Variants in ZNF541 observed in about 807,000 individuals in gnomAD.
ZNF541 encodes the protein zinc finger protein 541.
Under a neutral mutation model 123.5 loss-of-function variants are expected in ZNF541, and 23 were observed. The ratio of observed to expected loss-of-function variants is 0.19; its 90% CI spans 0.13 to 0.26. The LOEUF (loss-of-function observed/expected upper bound fraction) is 0.26, where lower values mean the gene tolerates loss of function less well. ZNF541 is among the 10% of genes least tolerant of loss of function. The pLI, the probability that ZNF541 is intolerant of heterozygous loss-of-function variation, is 1.00. For synonymous variants in ZNF541, 751 were observed against 754.5 expected (o/e 1.00, Z 0.08); for missense variants, 1,612 against 1,789.9 (o/e 0.90, Z 1.79).
At chr19:47,528,247 G>A (rs368904302) in intron 14 of ZNF541, among the ~76,000 whole-genome samples, 21 of 145,158 alleles carry the variant, frequency 1.4e-4, no homozygotes, top group Middle Eastern at 3.6e-3. Context: ...CCCGGGAGGC[G>A]GAGGTTGCGG....
In ZNF541 at chr19:47,521,000, G is replaced by C; in HGVS notation, c.*224C>G. ...GAAGGGGAGAGACTATGAACCTAAG[G>C]AGAGTGGAGCCTCCAGCACCACCGG... On this transcript the variant is annotated 3_prime_UTR_variant, in exon 17 of 17. Transcript: ENST00000391901. 1.8e-6 allele frequency: 1 copy of C among 568,070 alleles called. No individual in the cohort carries two copies. Among genetic ancestry groups the C allele is most frequent in the Non-Finnish European group, 3.1e-6 (1 of 321,698 alleles). The allele number at this position is 568,070 out of a possible 1,614,324, so 35.2% of individuals were successfully genotyped here. A position where few individuals can be genotyped will look rare whatever the true frequency, so the allele number is the denominator to read the frequency against.
intron 5 of ZNF541, among the ~76,000 whole-genome samples, chr19:47,543,611 T>A (rs1970175505): frequency 6.6e-6 from 1 of 151,428 alleles, no homozygotes; most frequent in Non-Finnish European, 1.5e-5. Context: ...ATAACAGTGT[T>A]TTGAACAACT....
Position 47,545,782 on chromosome 19 carries a change from C to A in ZNF541, c.747G>T (p.Pro249=). Reference sequence around the variant, plus strand: ...CCAGGGACCGCAGGCTGCTGGGGGGCGGCTGGCCGGCCGACTCGTGGGCGT... The same window carrying A: ...CCAGGGACCGCAGGCTGCTGGGGGGAGGCTGGCCGGCCGACTCGTGGGCGT... ...SPHAHESAGQ[P]PPSSLRSLVP... The change falls in exon 5 of 17, where the codon CCG becomes CCT. Residue 249 remains proline (P), a synonymous_variant. Coordinates refer to ENST00000391901, the MANE Select transcript of ZNF541 (RefSeq NM_001277075.3). This position sits in a 1 kb window ranked among gnomAD's most constrained non-coding sequence, Gnocchi z 7.5. 2 of 1,539,396 alleles carry A rather than the reference C, an allele frequency of 1.3e-6. No homozygotes were observed. Among genetic ancestry groups the A allele is most frequent in the South Asian group, 1.2e-5 (1 of 83,732 alleles).
At chr19:47,540,977 A>G (rs1167024517) in intron 5 of ZNF541, 26 bp from the exon 6 acceptor site, 3 of 1,548,386 alleles carry the variant, frequency 1.9e-6, no homozygotes, top group Non-Finnish European at 2.6e-6. Flanking sequence ...CATCTGAACC[A>G]ACACATCCAA....
At chr19:47,528,479 G>A (rs1488411389) in intron 14 of ZNF541, among the ~76,000 whole-genome samples, 1 of 151,598 alleles carries the variant, frequency 6.6e-6, no homozygotes, top group Non-Finnish European at 1.5e-5. Flanking sequence ...ACCATGCCCG[G>A]CTAATTTTTG....
At chr19:47,529,528 A>G in intron 13 of ZNF541, 49 bp downstream of exon 13, 5 of 1,539,508 alleles carry the variant, frequency 3.2e-6, no homozygotes, top group Non-Finnish European at 4.4e-6. Context: ...TGGCCGATTC[A>G]TAGGGGTCTC....
In ZNF541 at chr19:47,544,420, T is replaced by A; in HGVS notation, c.2109A>T (p.Leu703Phe). 1.3e-6 allele frequency: 2 copies of A among 1,551,562 alleles called. No homozygotes were observed. Among genetic ancestry groups the A allele is most frequent in the Non-Finnish European group, 1.7e-6 (2 of 1,146,994 alleles). ...AGGCTCCTGGTGGCTCCTCCCCACCTAACTGGGTCTGCCGTTGGCCTGTGG... is the reference window on the plus strand; with the variant it reads ...AGGCTCCTGGTGGCTCCTCCCCACCAAACTGGGTCTGCCGTTGGCCTGTGG... ...FPSTGQRQTQLGGEEPPGASL... is the reference protein window; with the variant it reads ...FPSTGQRQTQFGGEEPPGASL... Residue 703 changes from leucine (L) to phenylalanine (F), a missense_variant, in exon 5 of 17, where the codon TTA becomes TTT. Physicochemically the swap from Leu to Phe is conservative, Grantham distance 22. Coordinates refer to ENST00000391901, the MANE Select transcript of ZNF541 (RefSeq NM_001277075.3).
chr19:47,558,425 A>G (rs927811510), intron 2 of ZNF541, among the ~76,000 whole-genome samples: 2 of 151,906 alleles, frequency 1.3e-5, no homozygotes, highest in South Asian at 2.1e-4. Context: ...CAAAAAATAA[A>G]TAAATAAATA....
At position 47,545,312 on chromosome 19, in the gene ZNF541, G is replaced by C. The variant is rs766263101; in HGVS notation, c.1217C>G (p.Ser406Cys). ...LFRGQTVPAS[S>C]QPSSHSFQWL... Reference sequence around the variant, plus strand: ...CTGGAAGCTGTGGCTCGATGGCTGGGAACTGGCAGGGACCGTCTGGCCTCG... The same window carrying C: ...CTGGAAGCTGTGGCTCGATGGCTGGCAACTGGCAGGGACCGTCTGGCCTCG... The change falls in exon 5 of 17, where the codon TCC (serine) becomes TGC (cysteine). Residue 406 changes from serine (S) to cysteine (C), a missense_variant. Around this residue, in one of 5 missense-constraint regions of ZNF541, gnomAD observed 1,080 missense variants for 1,013.8 expected, o/e 1.07. Coordinates refer to ENST00000391901, the MANE Select transcript of ZNF541 (RefSeq NM_001277075.3). The surrounding 1 kb of genome is among the most constrained non-coding windows in gnomAD (Gnocchi z 7.5). 2 of 1,549,458 alleles carry C rather than the reference G, an allele frequency of 1.3e-6. No homozygotes were observed. Among genetic ancestry groups the C allele is most frequent in the East Asian group, 2.4e-5 (1 of 40,914 alleles).
intron 2 of ZNF541, among the ~76,000 whole-genome samples, chr19:47,559,364 T>C (rs1970968238): frequency 6.7e-6 from 1 of 149,066 alleles, no homozygotes; most frequent in South Asian, 2.1e-4. Flanking sequence ...AGAGTGAAAC[T>C]CTATCTCAAA....
At chr19:47,557,994 G>C (rs113914206) in intron 2 of ZNF541, among the ~76,000 whole-genome samples, 20 of 152,072 alleles carry the variant, frequency 1.3e-4, no homozygotes, top group African/African-American at 4.8e-4. Context: ...ATGGGCAGGG[G>C]GAGTGGGGCA....
intron 2 of ZNF541, among the ~76,000 whole-genome samples, chr19:47,561,090 G>C (rs758637392): frequency 4.6e-5 from 7 of 152,156 alleles, no homozygotes; most frequent in Non-Finnish European, 8.8e-5. Flanking sequence ...TGGTTTGTGG[G>C]GTGAGGAGTG....
chr19:47,526,481 CAAA>C (rs71180847), intron 14 of ZNF541, among the ~76,000 whole-genome samples: 1 of 34,972 alleles, frequency 2.9e-5, no homozygotes, highest in Non-Finnish European at 5.0e-5. Flanking sequence ...GACTCCATCT[CAAA>C]AAAAAAAAAA....
chr19:47,558,364 C>T (rs1007692447), intron 2 of ZNF541, among the ~76,000 whole-genome samples: 4 of 151,318 alleles, frequency 2.6e-5, no homozygotes, highest in South Asian at 2.1e-4. Flanking sequence ...TGCAGTGAGC[C>T]GAGATCGTGC....
At chr19:47,552,454 C>T (rs993527737) in intron 3 of ZNF541, among the ~76,000 whole-genome samples, 6 of 152,008 alleles carry the variant, frequency 3.9e-5, no homozygotes, top group Non-Finnish European at 8.8e-5. Context: ...TCAAATAACT[C>T]CAACAGTTTC....
chr19:47,523,179 C>T (rs1239699100), intron 14 of ZNF541, among the ~76,000 whole-genome samples: 4 of 151,000 alleles, frequency 2.6e-5, no homozygotes, highest in Non-Finnish European at 5.9e-5. Context: ...TAGGCGCGCA[C>T]CACCATGCCC....
chr19:47,546,418 A>G (rs528581311), intron 4 of ZNF541, among the ~76,000 whole-genome samples: 10 of 152,214 alleles, frequency 6.6e-5, no homozygotes, highest in Admixed American at 1.3e-4. Flanking sequence ...CTGAGGCAAG[A>G]GAATCACTTG....
chr19:47,541,907 A>G (rs1054286213), intron 5 of ZNF541, among the ~76,000 whole-genome samples: 5 of 152,240 alleles, frequency 3.3e-5, no homozygotes, highest in Non-Finnish European at 7.3e-5. Flanking sequence ...ATAAATCCCC[A>G]TAAAAATTTG....
intron 3 of ZNF541, among the ~76,000 whole-genome samples, chr19:47,553,724 G>A (rs940091673): frequency 2.0e-5 from 3 of 151,964 alleles, no homozygotes; most frequent in African/African-American, 7.3e-5. Flanking sequence ...ATTTTTAGTA[G>A]AGATGGGGTT....
Sources: allele counts gnomAD v4.1 joint callset (sites outside exome capture counted in the v4.1 genomes callset), GRCh38; gene constraint gnomAD v4.1.1; regional missense constraint gnomAD v4.1.1; non-coding constraint Gnocchi (gnomAD v3.1); transcripts MANE v1.5; gene names NCBI Gene and HGNC (gene_info 2026-07-23, HGNC 2026-07-21).